Variants in TFEC observed in about 807,000 individuals in gnomAD.
TFEC encodes class E basic helix-loop-helix protein 34.
A neutral mutation model predicts 41.6 loss-of-function variants in TFEC; 31 were observed. The ratio of observed to expected loss-of-function variants is 0.74; its 90% CI spans 0.56 to 1.01. TFEC has a LOEUF of 1.01. Ranked by LOEUF, TFEC falls within the 50% of genes least tolerant of loss-of-function variation. TFEC has a pLI of 0.00. For synonymous variants in TFEC, 143 were observed against 140.6 expected (o/e 1.02, Z -0.12); for missense variants, 402 against 404.1 (o/e 0.99, Z 0.04).
chr7:115,974,406 T>TATATATATATATATATATA (rs1793277519), intron 2 of TFEC, 150 bp from the exon 3 acceptor site: 1 of 65,010 alleles, frequency 1.5e-5, no homozygotes, highest in Non-Finnish European at 3.3e-5. Context: ...AACCTCAATA[T>TATATATATATATATATATA]TATATATATA....
intron 1 of TFEC, among the ~76,000 whole-genome samples, chr7:115,994,331 GCAACAAAAGC>G (rs560309454): frequency 0.018 from 2,747 of 152,246 alleles, 30 homozygotes; most frequent in Non-Finnish European, 0.026. Flanking sequence ...AAAAGCAATG[GCAACAAAAGC>G]CAAAATTGAC....
chr7:115,991,293 G>A (rs1272532043), intron 1 of TFEC, among the ~76,000 whole-genome samples: 3 of 152,128 alleles, frequency 2.0e-5, no homozygotes, highest in East Asian at 1.9e-4. Flanking sequence ...AAAGACCATC[G>A]ATGCTAGGAA....
rs1189133373 is a variant in TFEC, at chr7:115,940,251, C to A, written c.*300G>T. The A allele has an allele frequency of 8.7e-6, 2 of 229,820 alleles. No individual in the cohort carries two copies. Among genetic ancestry groups the A allele is most frequent in the Admixed American group, 5.2e-5 (1 of 19,176 alleles). 14.2% of individuals were successfully genotyped at this position (229,820 alleles called of 1,614,324 possible). A position where few individuals can be genotyped will look rare whatever the true frequency, so the allele number is the denominator to read the frequency against. On this transcript the variant is annotated 3_prime_UTR_variant, in exon 8 of 8. Coordinates refer to ENST00000265440, the MANE Select transcript of TFEC (RefSeq NM_012252.4). ...CCAGTAGTACACCACCAAGTTGCTG[C>A]TTTTAAAACATCAATAAAGAGCTAT...
rs755530090 is a variant in TFEC at position 115,984,359 on chromosome 7, T to C, written c.83A>G (p.His28Arg). 2 of 1,614,160 alleles carry C rather than the reference T, an allele frequency of 1.2e-6. No homozygotes were observed. The highest frequency in any genetic ancestry group is 1.1e-5 in the South Asian group (1 of 91,090). The change falls in exon 2 of 8, where the codon CAT becomes CGT. Residue 28 changes from histidine to arginine, a missense_variant. Coordinates refer to ENST00000265440, the MANE Select transcript of TFEC (RefSeq NM_012252.4). Reference protein sequence around the residue: ...AVPSGGPLVQHAHTTLDSDAG... With the variant: ...AVPSGGPLVQRAHTTLDSDAG... The stretch of plus-strand genomic sequence containing the variant: ...ATCACTGTCCAGAGTTGTGTGTGCA[T>C]GCTGCACAAGAGGCCCACCACTTGG...
In TFEC at chr7:115,940,620, A is replaced by T. The variant is rs747361248; in HGVS notation, c.975T>A (p.Thr325=). The T allele has an allele frequency of 1.2e-6, 2 of 1,613,492 alleles. 1 individual carries two copies. Among genetic ancestry groups the T allele is most frequent in the South Asian group, 2.2e-5 (2 of 91,070 alleles). ...PFGTDPLLSA[T]SPAVSKESSR... The stretch of plus-strand genomic sequence containing the variant: ...TGCTTTCTTTGGAAACTGCAGGGGA[A>T]GTGGCAGATAGCAGAGGATCTGTTC... Residue 325 remains threonine, a synonymous_variant, in exon 8 of 8, where the codon ACT becomes ACA. Transcript: ENST00000265440.
chr7:116,154,739 C>T (rs1798832418), intron 1 of TFEC, among the ~76,000 whole-genome samples: 1 of 152,296 alleles, frequency 6.6e-6, no homozygotes, highest in Admixed American at 6.5e-5. Flanking sequence ...TCCCTGCAAA[C>T]TCTATCTTCT....
At chr7:116,007,469 G>A (rs1794842484) in intron 1 of TFEC, among the ~76,000 whole-genome samples, 1 of 152,136 alleles carries the variant, frequency 6.6e-6, no homozygotes, top group South Asian at 2.1e-4. Context: ...AATAATGTGG[G>A]CCAGCCAAGC....
At chr7:115,949,882 G>T (rs1468060150) in intron 6 of TFEC, among the ~76,000 whole-genome samples, 2 of 152,070 alleles carry the variant, frequency 1.3e-5, no homozygotes, top group African/African-American at 4.8e-5. Flanking sequence ...CTTCTGCACA[G>T]CAAAGGAAAC....
At chr7:116,043,227 T>C (rs1023957515) in intron 3 of TFEC, among the ~76,000 whole-genome samples, 5 of 152,164 alleles carry the variant, frequency 3.3e-5, no homozygotes, top group African/African-American at 1.2e-4. Flanking sequence ...TATGTGGATA[T>C]AATGATTTTC....
chr7:116,004,819 A>G (rs1794727186), intron 1 of TFEC, among the ~76,000 whole-genome samples: 1 of 151,940 alleles, frequency 6.6e-6, no homozygotes, highest in Non-Finnish European at 1.5e-5. Flanking sequence ...TAGGGAGATC[A>G]GTATTACTGA....
At chr7:115,993,033 T>C (rs1388621922) in intron 1 of TFEC, among the ~76,000 whole-genome samples, 1 of 152,204 alleles carries the variant, frequency 6.6e-6, no homozygotes, top group African/African-American at 2.4e-5. Flanking sequence ...AACCCTGGGA[T>C]GCAAGGCTGG....
intron 3 of TFEC, among the ~76,000 whole-genome samples, chr7:116,052,349 CAT>C (rs2130959629): frequency 6.6e-6 from 1 of 152,190 alleles, no homozygotes; most frequent in African/African-American, 2.4e-5. Context: ...TCAAATACAA[CAT>C]ATTAAAAGCA....
chr7:116,137,424 C>A (rs143056707), intron 1 of TFEC, among the ~76,000 whole-genome samples: 1 of 152,064 alleles, frequency 6.6e-6, no homozygotes, highest in African/African-American at 2.4e-5. Flanking sequence ...TGTTGCTTTT[C>A]GGCATTGTTT....
chr7:116,071,307 C>T (rs554566922), intron 3 of TFEC, among the ~76,000 whole-genome samples: 1 of 148,646 alleles, frequency 6.7e-6, no homozygotes, highest in South Asian at 2.1e-4. Flanking sequence ...GAAATTAGTA[C>T]AAGATGAGAT....
At chr7:116,125,434 A>C (rs572885855) in intron 1 of TFEC, among the ~76,000 whole-genome samples, 19 of 152,310 alleles carry the variant, frequency 1.2e-4, no homozygotes, top group Admixed American at 2.6e-4. Flanking sequence ...CCAAGTTAAG[A>C]AATTTGGCTT....
intron 3 of TFEC, among the ~76,000 whole-genome samples, chr7:115,964,259 A>G (rs1792727706): frequency 6.6e-6 from 1 of 151,644 alleles, no homozygotes. Flanking sequence ...GGTACTTTAA[A>G]CATACTTCAC....
intron 1 of TFEC, among the ~76,000 whole-genome samples, chr7:116,150,242 T>C (rs1798733055): frequency 6.6e-6 from 1 of 152,200 alleles, no homozygotes; most frequent in African/African-American, 2.4e-5. Context: ...TCAGTGTTAA[T>C]CAGAAGGCCT....
At chr7:116,147,411 T>A (rs985793463) in intron 1 of TFEC, among the ~76,000 whole-genome samples, 3 of 152,176 alleles carry the variant, frequency 2.0e-5, no homozygotes, top group East Asian at 1.9e-4. Flanking sequence ...CTTTTTATAT[T>A]TTTTTTATTA....
intron 1 of TFEC, among the ~76,000 whole-genome samples, chr7:116,156,382 T>C (rs1483916313): frequency 1.3e-5 from 2 of 152,156 alleles, no homozygotes; most frequent in East Asian, 3.8e-4. Flanking sequence ...AGATAAAAAA[T>C]CTATTTTTTT....
Sources: gnomAD v4.1 joint callset for allele counts (sites outside exome capture counted in the v4.1 genomes callset) on GRCh38, gnomAD v4.1.1 for gene constraint, MANE v1.5 for transcripts, NCBI Gene and HGNC (gene_info 2026-07-23, HGNC 2026-07-21) for gene names.